The following WWOX variants were observed in gnomAD, a reference collection of about 807,000 sequenced individuals.
WWOX encodes the protein WW domain containing oxidoreductase.
A neutral mutation model predicts 46.2 loss-of-function variants in WWOX; 69 were observed. The observed-to-expected ratio is 1.49, with a 90% CI of 1.23 to 1.82. The LOEUF is 1.82. WWOX is among the 40% of genes most tolerant of loss of function. The probability of loss-of-function intolerance (pLI) is 0.00; values close to 1 mark genes in which losing one functional copy is unlikely to be tolerated. For missense variants in WWOX, 919 were observed against 542.6 expected (o/e 1.69, Z -6.89); for synonymous variants, 359 against 202.6 (o/e 1.77, Z -6.56).
intron 8 of WWOX, among the ~76,000 whole-genome samples, chr16:79,099,573 C>CGTGT (rs765766255): frequency 7.1e-6 from 1 of 140,094 alleles, no homozygotes; most frequent in South Asian, 2.4e-4. Context: ...ATTGTGTGTG[C>CGTGT]GTGTGTGTGT....
intron 8 of WWOX, among the ~76,000 whole-genome samples, chr16:78,436,743 T>A (rs1597083838): frequency 6.6e-6 from 1 of 152,210 alleles, no homozygotes; most frequent in African/African-American, 2.4e-5. Context: ...TCACTGTGAA[T>A]GTAGACCTCG....
At chr16:78,883,634 G>C (rs540260119) in intron 8 of WWOX, among the ~76,000 whole-genome samples, 5 of 151,886 alleles carry the variant, frequency 3.3e-5, no homozygotes, top group Non-Finnish European at 2.9e-5. Flanking sequence ...TGAAGCAGGA[G>C]AATTGCTTGA....
At chr16:78,829,854 T>G (rs57438221) in intron 8 of WWOX, among the ~76,000 whole-genome samples, 35,798 of 152,106 alleles carry the variant, frequency 0.24, 4,279 homozygotes, top group South Asian at 0.28. Context: ...TTGAGTAGTT[T>G]TATTAATGAG....
intron 8 of WWOX, among the ~76,000 whole-genome samples, chr16:78,530,358 G>A (rs190383229): frequency 6.6e-6 from 1 of 152,166 alleles, no homozygotes; most frequent in Non-Finnish European, 1.5e-5. Flanking sequence ...AAATTTTAAG[G>A]ATGGCAGATG....
intron 8 of WWOX, among the ~76,000 whole-genome samples, chr16:78,490,513 T>C (rs1440219320): frequency 6.6e-6 from 1 of 152,144 alleles, no homozygotes; most frequent in Non-Finnish European, 1.5e-5. Flanking sequence ...GTCACGAACA[T>C]GCGTTGTTTT....
intron 8 of WWOX, among the ~76,000 whole-genome samples, chr16:78,764,752 G>A (rs1010721260): frequency 1.5e-4 from 22 of 151,424 alleles, no homozygotes; most frequent in Admixed American, 1.4e-3. Flanking sequence ...GATTCAATGA[G>A]GTACTGCTTG....
intron 8 of WWOX, among the ~76,000 whole-genome samples, chr16:79,145,001 T>C (rs1169739652): frequency 6.6e-6 from 1 of 152,048 alleles, no homozygotes; most frequent in Non-Finnish European, 1.5e-5. Context: ...GGTCTTGGAG[T>C]ATATCCCCTG....
At chr16:78,304,919 C>G (rs368481212) in intron 5 of WWOX, among the ~76,000 whole-genome samples, 11 of 152,162 alleles carry the variant, frequency 7.2e-5, no homozygotes, top group African/African-American at 2.7e-4. Context: ...TTTTCTTCCT[C>G]TCTTTCCTTC....
chr16:78,364,930 T>G (rs767741919), intron 5 of WWOX, among the ~76,000 whole-genome samples: 2 of 152,202 alleles, frequency 1.3e-5, no homozygotes, highest in African/African-American at 2.4e-5. Context: ...TTTCATTCTT[T>G]ACAAAGATGT....
intron 8 of WWOX, among the ~76,000 whole-genome samples, chr16:78,460,726 G>A (rs181506175): frequency 3.0e-4 from 46 of 152,280 alleles, no homozygotes; most frequent in Middle Eastern, 3.4e-3. Context: ...CATGACATTC[G>A]ATCCACGTGG....
chr16:78,423,640 C>T (rs1336443392), intron 6 of WWOX, among the ~76,000 whole-genome samples: 2 of 151,918 alleles, frequency 1.3e-5, no homozygotes. Context: ...CCACCTTGAC[C>T]ACCTTGGGCA....
At chr16:79,064,979 A>G (rs2048416546) in intron 8 of WWOX, among the ~76,000 whole-genome samples, 1 of 152,110 alleles carries the variant, frequency 6.6e-6, no homozygotes, top group African/African-American at 2.4e-5. Flanking sequence ...GCCCCTGAGC[A>G]CCTGTGTGTG....
chr16:79,136,369 T>A (rs2049981875), intron 8 of WWOX, among the ~76,000 whole-genome samples: 1 of 152,124 alleles, frequency 6.6e-6, no homozygotes, highest in Admixed American at 6.6e-5. Flanking sequence ...TAGCTGGGAT[T>A]ACAGGCATGC....
intron 8 of WWOX, among the ~76,000 whole-genome samples, chr16:78,580,100 G>C (rs1242564629): frequency 3.4e-5 from 5 of 149,036 alleles, no homozygotes; most frequent in Non-Finnish European, 5.9e-5. Flanking sequence ...TTGAGACCGA[G>C]TCTTGCTCTG....
At chr16:78,823,586 C>T (rs1385341258) in intron 8 of WWOX, among the ~76,000 whole-genome samples, 1 of 152,124 alleles carries the variant, frequency 6.6e-6, no homozygotes, top group African/African-American at 2.4e-5. Context: ...AAGGCTTCAT[C>T]TGAAGTTTAA....
intron 8 of WWOX, among the ~76,000 whole-genome samples, chr16:78,822,481 C>G (rs1005190116): frequency 8.1e-4 from 15 of 18,578 alleles, no homozygotes; most frequent in African/African-American, 4.5e-4. Flanking sequence ...GAGACAGAGC[C>G]GAGACTCTGT....
intron 8 of WWOX, among the ~76,000 whole-genome samples, chr16:79,169,358 A>G (rs750685485): frequency 3.3e-5 from 5 of 152,170 alleles, no homozygotes; most frequent in Non-Finnish European, 7.3e-5. Context: ...ATAAACCACA[A>G]CAACTGCGTG....
intron 8 of WWOX, among the ~76,000 whole-genome samples, chr16:78,520,906 GC>G (rs1300866024): frequency 4.6e-5 from 7 of 152,088 alleles, no homozygotes; most frequent in Non-Finnish European, 1.0e-4. Context: ...GTGTTAACAA[GC>G]AAAAGAAGAC....
intron 8 of WWOX, among the ~76,000 whole-genome samples, chr16:79,110,258 A>G (rs1311241481): frequency 2.0e-5 from 3 of 152,128 alleles, no homozygotes; most frequent in Non-Finnish European, 2.9e-5. Context: ...TGGTTGCACC[A>G]CTAGAAATGA....
Sources: allele counts gnomAD v4.1 joint callset (sites outside exome capture counted in the v4.1 genomes callset), GRCh38; gene constraint gnomAD v4.1.1; transcripts MANE v1.5; gene names NCBI Gene and HGNC (gene_info 2026-07-23, HGNC 2026-07-21).